TMEM161B: variants seen among roughly 807,000 people sequenced by gnomAD.
TMEM161B encodes the protein transmembrane protein 161B.
TMEM161B carries 34 observed loss-of-function variants against 61.8 expected under a neutral mutation model. That is an observed-to-expected ratio of 0.55 (90% confidence interval 0.42 to 0.73). The LOEUF (loss-of-function observed/expected upper bound fraction) is 0.73, where lower values mean the gene tolerates loss of function less well. Ranked by LOEUF, TMEM161B falls within the 30% of genes least tolerant of loss-of-function variation. TMEM161B has a pLI of 0.00. For synonymous variants in TMEM161B, 167 were observed against 192.8 expected, an observed-to-expected ratio of 0.87 and a Z score of 1.11; for missense variants, 456 against 558.5, an observed-to-expected ratio of 0.82 and a Z score of 1.85.
At chr5:88,205,781 A>C (rs763480871) in intron 8 of TMEM161B, 33 bp downstream of exon 8, 3 of 1,604,988 alleles carry the variant, frequency 1.9e-6, no homozygotes, top group Non-Finnish European at 2.6e-6. Context: ...ACATATATTT[A>C]TCTGCATGTG....
At chr5:88,188,400 G>A (rs115189262), downstream of TMEM161B, among the ~76,000 whole-genome samples, 922 of 151,900 alleles carry the variant, frequency 6.1e-3, 16 homozygotes, top group African/African-American at 0.021. Context: ...ACAAGAATGA[G>A]CCAATGTGCC....
chr5:88,208,081 G>A (rs1745888202), intron 5 of TMEM161B, among the ~76,000 whole-genome samples: 1 of 152,200 alleles, frequency 6.6e-6, no homozygotes, highest in African/African-American at 2.4e-5. Context: ...CGGGCGCAGT[G>A]GCTCACGTCT....
At chr5:88,236,482 T>C (rs1189387595) in intron 2 of TMEM161B, among the ~76,000 whole-genome samples, 3 of 152,120 alleles carry the variant, frequency 2.0e-5, no homozygotes, top group Non-Finnish European at 4.4e-5. Flanking sequence ...TTTATTACAA[T>C]ACAAAGTAGT....
At chr5:88,205,695 A>G (rs1745326156) in intron 8 of TMEM161B, 119 bp downstream of exon 8, 3 of 1,126,404 alleles carry the variant, frequency 2.7e-6, no homozygotes, top group Non-Finnish European at 3.7e-6. Flanking sequence ...AAGTAGTGTG[A>G]CATCAAATGG....
rs117280167 is a variant in TMEM161B at position 88,254,396 on chromosome 5, G to T, written c.4-13480C>A. ...CTCCTAAGAACCACAATGGGGTAAGGAGTTGAGCTGTAAAAGAAAGGAGAG... is the reference window on the plus strand; with the variant it reads ...CTCCTAAGAACCACAATGGGGTAAGTAGTTGAGCTGTAAAAGAAAGGAGAG... On this transcript the variant is annotated intron_variant, in intron 1 of 11. Transcript: ENST00000296595. 2.8e-3 allele frequency among the ~76,000 whole-genome samples: 423 copies of T among 152,230 alleles called. 18 individuals carry two copies. The East Asian group carries it at 0.072, about 26-fold the overall frequency.
chr5:88,202,210 G>A (rs3099436), intron 9 of TMEM161B: 240,511 of 440,756 alleles, frequency 0.55, 70,197 homozygotes, highest in East Asian at 0.77. Context: ...GTTTGAACCA[G>A]TTCTGTCTGA....
chr5:88,226,978 C>T (rs1251708931), intron 3 of TMEM161B, among the ~76,000 whole-genome samples: 1 of 151,758 alleles, frequency 6.6e-6, no homozygotes, highest in Non-Finnish European at 1.5e-5. Context: ...TTTTTAAAAA[C>T]TAGCTGGGTA....
chr5:88,246,678 A>G, intron 1 of TMEM161B, among the ~76,000 whole-genome samples: 1 of 152,026 alleles, frequency 6.6e-6, no homozygotes. Flanking sequence ...AGTTTATACA[A>G]AAGCAGAACT....
chr5:88,248,667 G>A (rs1024147279), intron 1 of TMEM161B, among the ~76,000 whole-genome samples: 1 of 140,628 alleles, frequency 7.1e-6, no homozygotes, highest in African/African-American at 2.6e-5. Flanking sequence ...ATCATGGGTA[G>A]TAAGAGGACA....
Position 88,196,087 on chromosome 5 carries a change from G to T in TMEM161B, c.*124C>A. On this transcript the variant is annotated 3_prime_UTR_variant, in exon 12 of 12. Coordinates refer to ENST00000296595, the MANE Select transcript of TMEM161B (RefSeq NM_153354.5). ...AATACAGAGGAAACATTTAATACAA[G>T]ACATTCTGATATGTTTTTTTTTTCC... The T allele has an allele frequency of 6.9e-7, 1 of 1,445,248 alleles. No individual in the cohort carries two copies. Among genetic ancestry groups the T allele is most frequent in the Non-Finnish European group, 9.1e-7 (1 of 1,102,534 alleles). The allele number at this position is 1,445,248 out of a possible 1,614,324, so 89.5% of individuals were successfully genotyped here.
At chr5:88,244,927 G>C (rs1753365504) in intron 1 of TMEM161B, among the ~76,000 whole-genome samples, 1 of 151,686 alleles carries the variant, frequency 6.6e-6, no homozygotes, top group African/African-American at 2.4e-5. Flanking sequence ...TTGCATTCGT[G>C]ACCTGGCTCT....
intron 2 of TMEM161B, among the ~76,000 whole-genome samples, chr5:88,237,718 A>ACG (rs1438203871): frequency 4.0e-4 from 4 of 10,058 alleles, no homozygotes; most frequent in South Asian, 3.8e-3. Flanking sequence ...AGACTACTAT[A>ACG]CAGTTTCTTT....
chr5:88,255,301 T>C (rs552083296), intron 1 of TMEM161B, among the ~76,000 whole-genome samples: 7 of 152,296 alleles, frequency 4.6e-5, no homozygotes, highest in African/African-American at 1.4e-4. Flanking sequence ...TTCCTTCCCA[T>C]AGAGCATCTC....
intron 6 of TMEM161B, among the ~76,000 whole-genome samples, 170 bp downstream of exon 6, chr5:88,206,859 G>A (rs1745604601): frequency 6.6e-6 from 1 of 151,588 alleles, no homozygotes; most frequent in African/African-American, 2.4e-5. Flanking sequence ...TAAAACAAAA[G>A]CAAAAAATGA....
chr5:88,238,083 C>T lies in TMEM161B; in HGVS notation c.107+2730G>A, dbSNP rs116005114. On this transcript the variant is annotated intron_variant, in intron 2 of 11. Transcript: ENST00000296595. ...TATTTGCATAAAAACTACGCACATT[C>T]TCCTTTATATATTAAATAATCTCTA... Among the ~76,000 whole-genome samples the T allele has an allele frequency of 3.1e-3, 466 of 152,210 alleles. 3 individuals carry two copies. Among genetic ancestry groups the T allele is most frequent in the African/African-American group, 0.011 (452 of 41,554 alleles).
intron 1 of TMEM161B, chr5:88,259,111 ATTT>A (rs1402787653): frequency 6.6e-6 from 1 of 152,058 alleles, no homozygotes; most frequent in Non-Finnish European, 1.5e-5. Flanking sequence ...GCCACTTACT[ATTT>A]ATCTCATCTC....
intron 9 of TMEM161B, chr5:88,200,209 CTATA>C (rs1331406719): frequency 6.6e-6 from 1 of 151,860 alleles, no homozygotes; most frequent in African/African-American, 2.4e-5. Flanking sequence ...AAAGGCTTTA[CTATA>C]TATACTCTCT....
chr5:88,227,072 T>C (rs1469809175), intron 3 of TMEM161B, among the ~76,000 whole-genome samples: 1 of 151,976 alleles, frequency 6.6e-6, no homozygotes, highest in South Asian at 2.1e-4. Flanking sequence ...GCATCTGGTC[T>C]CAGCTACTCG....
At chr5:88,192,522 T>C (rs541750753), downstream of TMEM161B, among the ~76,000 whole-genome samples, 3 of 152,356 alleles carry the variant, frequency 2.0e-5, no homozygotes, top group East Asian at 1.9e-4. Flanking sequence ...ATCCTTGGTG[T>C]CCATGTCAGA....
Sources: allele counts gnomAD v4.1 joint callset (sites outside exome capture counted in the v4.1 genomes callset), GRCh38; gene constraint gnomAD v4.1.1; transcripts MANE v1.5; gene names NCBI Gene and HGNC (gene_info 2026-07-23, HGNC 2026-07-21).